Variants in SF3A1 observed in about 807,000 individuals in gnomAD.
SF3A1 encodes the protein SAP 114.
SF3A1 carries 13 observed loss-of-function variants against 89.9 expected under a neutral mutation model. The ratio of observed to expected loss-of-function variants is 0.14; its 90% CI spans 0.09 to 0.23. The LOEUF (loss-of-function observed/expected upper bound fraction) is 0.23, where lower values mean the gene tolerates loss of function less well. SF3A1 is among the 10% of genes least tolerant of loss of function. SF3A1 has a pLI of 1.00. For synonymous variants in SF3A1, 405 were observed against 374.4 expected (o/e 1.08, Z -0.94); for missense variants, 604 against 1,022.1 (o/e 0.59, Z 5.58).
chr22:30,334,035 T>A lies in SF3A1; in HGVS notation c.*559A>T, dbSNP rs1281502462. On this transcript the variant is annotated 3_prime_UTR_variant, in exon 16 of 16. Transcript: ENST00000215793. ...AAGGGCAATACGAATATGATTCTAA[T>A]ACATAAAAAGTATGAGGGCAGCAAG... 6.6e-6 allele frequency: 1 copy of A among 152,216 alleles called. No individual in the cohort carries two copies. The allele number at this position is 152,216 out of a possible 1,614,324, so 9.4% of individuals were successfully genotyped here.
intron 7 of SF3A1, 84 bp downstream of exon 7, chr22:30,341,608 G>T: frequency 1.0e-6 from 1 of 990,826 alleles, no homozygotes; most frequent in Non-Finnish European, 1.5e-6. Flanking sequence ...TCACAGGGGA[G>T]CTGGATCTGA....
intron 1 of SF3A1, among the ~76,000 whole-genome samples, chr22:30,356,352 A>C (rs17657653): frequency 0.2 from 30,879 of 152,298 alleles, 3,396 homozygotes; most frequent in Middle Eastern, 0.35. Context: ...TACTGGGGAA[A>C]GGCTGTGGCC....
At chr22:30,342,090 T>C (rs114261326) in intron 6 of SF3A1, 110 bp downstream of exon 6, 1 of 1,370,214 alleles carries the variant, frequency 7.3e-7, no homozygotes, top group African/African-American at 1.4e-5. Flanking sequence ...GAGACAGCAC[T>C]GATAAAGCCC....
intron 5 of SF3A1, 99 bp from the exon 6 acceptor site, chr22:30,342,449 CG>C: frequency 7.5e-7 from 1 of 1,327,848 alleles, no homozygotes; most frequent in Non-Finnish European, 1.0e-6. Context: ...GCGCCTCCTT[CG>C]GAACAGAATG....
chr22:30,337,705 T>C lies in SF3A1; in HGVS notation c.1936A>G (p.Met646Val). 1 of 391,656 alleles carries C rather than the reference T, an allele frequency of 2.6e-6. No homozygotes were observed. Among genetic ancestry groups the C allele is most frequent in the Non-Finnish European group, 4.4e-6 (1 of 224,912 alleles). The allele number at this position is 391,656 out of a possible 1,614,324, so 24.3% of individuals were successfully genotyped here. A position where few individuals can be genotyped will look rare whatever the true frequency, so the allele number is the denominator to read the frequency against. ...PPIMAPRPPP[M>V]IVPTAFVPAP... Reference sequence around the variant, plus strand: ...AGATACTGACCTGTTGGCACAATCATGGGGGGTGGGCGGGGGGCCATAATA... The same window carrying C: ...AGATACTGACCTGTTGGCACAATCACGGGGGGTGGGCGGGGGGCCATAATA... The change falls in exon 12 of 16, where the codon ATG becomes GTG. Residue 646 changes from methionine (M) to valine (V), a missense_variant. Met to Val is a conservative substitution (Grantham distance 21, BLOSUM62 1). Coordinates refer to ENST00000215793, the MANE Select transcript of SF3A1 (RefSeq NM_005877.6).
chr22:30,356,682 G>C, intron 1 of SF3A1, 48 bp downstream of exon 1: 1 of 1,374,810 alleles, frequency 7.3e-7, no homozygotes, highest in East Asian at 3.0e-5. Context: ...AGTAAGGAGC[G>C]CCCAGGCCAA....
intron 2 of SF3A1, among the ~76,000 whole-genome samples, chr22:30,346,905 A>G (rs116485157): frequency 0.011 from 1,699 of 152,356 alleles, 25 homozygotes; most frequent in African/African-American, 0.038. Context: ...AACAAAAGGT[A>G]GTCAAAAGTG....
At position 30,344,580 on chromosome 22, in the gene SF3A1, G is replaced by C. The variant is rs1228248337; in HGVS notation, c.651+353C>G. Among the ~76,000 whole-genome samples the C allele has an allele frequency of 2.0e-5, 3 of 152,318 alleles. No individual in the cohort carries two copies. The East Asian group carries it at 5.8e-4, about 29-fold the overall frequency. On this transcript the variant is annotated intron_variant, in intron 4 of 15. Coordinates refer to ENST00000215793, the MANE Select transcript of SF3A1 (RefSeq NM_005877.6). ...TTGTGAGGACTAAGTTAGGTAAAAG[G>C]AGGCAACTCTTAAAGGTTGGCTTCT...
At chr22:30,351,905 C>T (rs988390050) in intron 2 of SF3A1, among the ~76,000 whole-genome samples, 3 of 152,248 alleles carry the variant, frequency 2.0e-5, no homozygotes, top group African/African-American at 7.2e-5. Context: ...CAAAGGAATA[C>T]CTTAAATACC....
Position 30,337,837 on chromosome 22 carries a change from T to C in SF3A1, c.1804A>G (p.Met602Val), listed in dbSNP as rs200567491. Reference sequence around the variant, plus strand: ...GGGGGCAGCCGGACCACAGATGCCATTGGGGGCCGGGGCATGACGGGTACT... The same window carrying C: ...GGGGGCAGCCGGACCACAGATGCCACTGGGGGCCGGGGCATGACGGGTACT... ...SAVPVMPRPPMASVVRLPPGS... is the reference protein window; with the variant it reads ...SAVPVMPRPPVASVVRLPPGS... The change falls in exon 12 of 16, where the codon ATG becomes GTG. Residue 602 changes from methionine (M) to valine (V), a missense_variant. By Grantham distance (21) the Met-to-Val change is conservative. Coordinates refer to ENST00000215793, the MANE Select transcript of SF3A1 (RefSeq NM_005877.6). 8.1e-5 allele frequency: 131 copies of C among 1,608,634 alleles called. No individual in the cohort carries two copies. The highest frequency in any genetic ancestry group is 1.7e-4 in the Middle Eastern group (1 of 6,044).
intron 9 of SF3A1, 118 bp downstream of exon 9, chr22:30,340,078 G>T: frequency 1.2e-6 from 1 of 841,622 alleles, no homozygotes; most frequent in Non-Finnish European, 1.7e-6. Context: ...CAATATCATA[G>T]AGTGCAACTC....
chr22:30,356,442 T>C (rs974708133), intron 1 of SF3A1, among the ~76,000 whole-genome samples: 1 of 152,240 alleles, frequency 6.6e-6, no homozygotes, highest in South Asian at 2.1e-4. Flanking sequence ...CACCTTAGGA[T>C]TTTGTTCAAA....
At chr22:30,353,833 T>A (rs1324871069) in intron 1 of SF3A1, among the ~76,000 whole-genome samples, 2 of 152,200 alleles carry the variant, frequency 1.3e-5, no homozygotes, top group Non-Finnish European at 2.9e-5. Flanking sequence ...CCTGCTACAT[T>A]ACCAAATGCC....
At position 30,345,670 on chromosome 22, in the gene SF3A1, T is replaced by C. The variant is rs182009545; in HGVS notation, c.394-480A>G. ...AGGTAGCCTGAGGTCCTAGGCCTCA[T>C]TGCAACGCAAGGTCTTAGAACCTGA... On this transcript the variant is annotated intron_variant, in intron 3 of 15. Transcript: ENST00000215793. Among the ~76,000 whole-genome samples the C allele has an allele frequency of 9.7e-4, 148 of 152,278 alleles. 1 individual carries two copies. The highest frequency in any genetic ancestry group is 3.3e-3 in the African/African-American group (137 of 41,554).
chr22:30,336,886 C>T, intron 13 of SF3A1, 140 bp downstream of exon 13: 3 of 861,240 alleles, frequency 3.5e-6, no homozygotes, highest in East Asian at 2.5e-5. Context: ...TGCTCAGAAG[C>T]CCTTAGATGC....
chr22:30,356,859 C>T lies in SF3A1; in HGVS notation c.-67G>A. On this transcript the variant is annotated 5_prime_UTR_variant, in exon 1 of 16. Coordinates refer to ENST00000215793, the MANE Select transcript of SF3A1 (RefSeq NM_005877.6). ...GAGCGGTGCCGCCTCAAGACAGCCT[C>T]CCCGCTCGGTCAGTACGACGAGCTC... is the stretch of plus-strand genomic sequence containing the variant. 1.6e-6 allele frequency: 2 copies of T among 1,243,308 alleles called. No homozygotes were observed. The highest frequency in any genetic ancestry group is 2.0e-6 in the Non-Finnish European group (2 of 978,112). 77.0% of individuals were successfully genotyped at this position (1,243,308 alleles called of 1,614,324 possible). A position where few individuals can be genotyped will look rare whatever the true frequency, so the allele number is the denominator to read the frequency against.
intron 8 of SF3A1, 49 bp downstream of exon 8, chr22:30,340,646 C>G: frequency 8.4e-7 from 1 of 1,191,546 alleles, no homozygotes; most frequent in South Asian, 1.2e-5. Flanking sequence ...CATGAGGGCA[C>G]ACAGGACTTC....
intron 1 of SF3A1, among the ~76,000 whole-genome samples, chr22:30,354,901 G>A (rs1931718319): frequency 6.6e-6 from 1 of 152,166 alleles, no homozygotes; most frequent in African/African-American, 2.4e-5. Context: ...TCCAGCCTGG[G>A]TGACAGAACG....
At chr22:30,350,820 G>A (rs952650544) in intron 2 of SF3A1, among the ~76,000 whole-genome samples, 4 of 152,196 alleles carry the variant, frequency 2.6e-5, no homozygotes, top group African/African-American at 9.7e-5. Flanking sequence ...GAAAAGGGGA[G>A]GCATGAACAC....
Sources: gnomAD v4.1 joint callset for allele counts (sites outside exome capture counted in the v4.1 genomes callset) on GRCh38, gnomAD v4.1.1 for gene constraint, MANE v1.5 for transcripts, NCBI Gene and HGNC (gene_info 2026-07-23, HGNC 2026-07-21) for gene names.